PLEKHA6: variants seen among roughly 807,000 people sequenced by gnomAD.
PLEKHA6 encodes the protein pleckstrin homology domain containing A6.
Under a neutral mutation model 116.7 loss-of-function variants are expected in PLEKHA6, and 60 were observed. The observed-to-expected ratio is 0.51, with a 90% CI of 0.42 to 0.64. The LOEUF (loss-of-function observed/expected upper bound fraction) is 0.64. Ranked by LOEUF, PLEKHA6 falls within the 30% of genes least tolerant of loss-of-function variation. The pLI is 0.00. For synonymous variants in PLEKHA6, 489 were observed against 556.1 expected, an observed-to-expected ratio of 0.88 and a Z score of 1.70; for missense variants, 1,338 against 1,422.7, an observed-to-expected ratio of 0.94 and a Z score of 0.96.
chr1:204,253,212 C>T (rs1316822232), intron 9 of PLEKHA6, among the ~76,000 whole-genome samples: 1 of 152,160 alleles, frequency 6.6e-6, no homozygotes, highest in Non-Finnish European at 1.5e-5. Context: ...TGCACCCCTG[C>T]TTGATTCTCC....
chr1:204,332,709 C>G (rs982588531), intron 1 of PLEKHA6, among the ~76,000 whole-genome samples: 2 of 152,148 alleles, frequency 1.3e-5, no homozygotes, highest in Non-Finnish European at 2.9e-5. Flanking sequence ...ACTAAGGAAA[C>G]AGGCCAACAA....
intron 1 of PLEKHA6, chr1:204,282,650 A>G: frequency 1.0e-6 from 1 of 985,270 alleles, no homozygotes; most frequent in Non-Finnish European, 1.2e-6. Flanking sequence ...TCAACACTGA[A>G]GTGTCTTCCA....
At chr1:204,348,478 C>T (rs1229236219) in intron 1 of PLEKHA6, among the ~76,000 whole-genome samples, 2 of 152,160 alleles carry the variant, frequency 1.3e-5, no homozygotes, top group Non-Finnish European at 2.9e-5. Context: ...AGCTAGTGAA[C>T]CCCACACAAA....
chr1:204,251,955 C>G (rs1280074937), intron 9 of PLEKHA6, among the ~76,000 whole-genome samples: 1 of 152,162 alleles, frequency 6.6e-6, no homozygotes, highest in African/African-American at 2.4e-5. Context: ...TCTCACACCA[C>G]TTTTGACAAA....
chr1:204,273,966 C>A (rs1667744767), intron 2 of PLEKHA6, among the ~76,000 whole-genome samples: 2 of 152,166 alleles, frequency 1.3e-5, no homozygotes, highest in Admixed American at 1.3e-4. Flanking sequence ...CAGGGTCTTG[C>A]TGTGTCACCC....
chr1:204,314,475 C>T (rs1298656000), intron 1 of PLEKHA6, among the ~76,000 whole-genome samples: 4 of 152,134 alleles, frequency 2.6e-5, no homozygotes, highest in Non-Finnish European at 5.9e-5. Context: ...AGAGAAGGAT[C>T]CTGGAACGAC....
intron 1 of PLEKHA6, 108 bp from the exon 2 acceptor site, chr1:204,274,917 G>A: frequency 2.0e-6 from 2 of 982,316 alleles, no homozygotes. Context: ...ATCATGTAAG[G>A]AGCTTGTGCC....
intron 6 of PLEKHA6, among the ~76,000 whole-genome samples, chr1:204,263,891 G>A (rs903424410): frequency 1.7e-4 from 26 of 152,092 alleles, no homozygotes; most frequent in Non-Finnish European, 8.8e-5. Flanking sequence ...ACAAGACCCC[G>A]GGAGGCTGGA....
chr1:204,243,675 G>A (rs757310615), intron 15 of PLEKHA6, among the ~76,000 whole-genome samples: 1 of 152,154 alleles, frequency 6.6e-6, no homozygotes, highest in African/African-American at 2.4e-5. Flanking sequence ...ACATCAGGGC[G>A]TTTACAGTCT....
At chr1:204,374,063 C>T in intron 1 of PLEKHA6, among the ~76,000 whole-genome samples, 1 of 152,184 alleles carries the variant, frequency 6.6e-6, no homozygotes, top group East Asian at 1.9e-4. Context: ...CCATCTATCT[C>T]TACCCCACTG....
chr1:204,231,543 C>T (rs1661178272), intron 17 of PLEKHA6, among the ~76,000 whole-genome samples: 1 of 151,188 alleles, frequency 6.6e-6, no homozygotes, highest in Admixed American at 6.6e-5. Flanking sequence ...CAGTTGTTAT[C>T]CTGTATTGTT....
At chr1:204,331,672 C>A (rs750341431) in intron 1 of PLEKHA6, among the ~76,000 whole-genome samples, 5 of 151,630 alleles carry the variant, frequency 3.3e-5, no homozygotes, top group Non-Finnish European at 7.4e-5. Context: ...CTCAAATTTG[C>A]CAAGTAAATA....
chr1:204,228,815 A>T lies in PLEKHA6; in HGVS notation c.2798T>A (p.Leu933Gln). 6.2e-7 allele frequency: 1 copy of T among 1,613,984 alleles called. No individual in the cohort carries two copies. Among genetic ancestry groups the T allele is most frequent in the Non-Finnish European group, 8.5e-7 (1 of 1,179,932 alleles). Reference sequence around the variant, plus strand: ...AGGGCTCAGGGGAGTGTCAGGCTCCAGGTCAATGTACCGTTCAGGGATGAG... The same window carrying T: ...AGGGCTCAGGGGAGTGTCAGGCTCCTGGTCAATGTACCGTTCAGGGATGAG... ...KVLIPERYIDLEPDTPLSPEE... is the reference protein window; with the variant it reads ...KVLIPERYIDQEPDTPLSPEE... The change falls in exon 20 of 23, where the codon CTG (leucine) becomes CAG (glutamine). Residue 933 changes from leucine (L) to glutamine (Q), a missense_variant. Around this residue, in one of 3 missense-constraint regions of PLEKHA6, gnomAD observed 1,136 missense variants for 1,163.6 expected, o/e 0.98. Coordinates refer to ENST00000272203, the MANE Select transcript of PLEKHA6 (RefSeq NM_014935.5). The surrounding 1 kb of genome is among the most constrained non-coding windows in gnomAD (Gnocchi z 4.0).
chr1:204,377,349 C>T (rs1013967521), intron 1 of PLEKHA6, among the ~76,000 whole-genome samples: 52 of 152,212 alleles, frequency 3.4e-4, no homozygotes, highest in African/African-American at 1.3e-3. Flanking sequence ...ACTCCCCTGC[C>T]CTGCCCAGCC....
At chr1:204,328,072 T>G (rs1672310079) in intron 1 of PLEKHA6, among the ~76,000 whole-genome samples, 1 of 150,104 alleles carries the variant, frequency 6.7e-6, no homozygotes, top group Non-Finnish European at 1.5e-5. Flanking sequence ...ATTTATTTAT[T>G]TATTTATTTA....
chr1:204,230,383 C>A, intron 18 of PLEKHA6, 30 bp downstream of exon 18: 2 of 1,527,320 alleles, frequency 1.3e-6, no homozygotes, highest in Non-Finnish European at 1.8e-6. Context: ...ATGCCAGGCT[C>A]ACGCCTGTGG....
At chr1:204,307,225 T>G (rs937910187) in intron 1 of PLEKHA6, 5 of 152,224 alleles carry the variant, frequency 3.3e-5, no homozygotes, top group Non-Finnish European at 7.3e-5. Context: ...TGCCTTACTG[T>G]GAAATACTGC....
In PLEKHA6 at chr1:204,347,872, C is replaced by T. The variant is rs183412946; in HGVS notation, c.-95+11822G>A. Reference sequence around the variant, plus strand: ...ATTAGGGGTTCCTATAAGAAAGATACTCATCCAATTTCACAGTGTAAATCA... The same window carrying T: ...ATTAGGGGTTCCTATAAGAAAGATATTCATCCAATTTCACAGTGTAAATCA... On this transcript the variant is annotated intron_variant, in intron 1 of 22. Transcript: ENST00000272203. Among the ~76,000 whole-genome samples the T allele has an allele frequency of 2.0e-5, 3 of 152,164 alleles. No individual in the cohort carries two copies. The East Asian group carries it at 5.8e-4, about 29-fold the overall frequency.
intron 10 of PLEKHA6, among the ~76,000 whole-genome samples, chr1:204,249,847 G>T (rs1664296744): frequency 6.6e-6 from 1 of 152,256 alleles, no homozygotes. Context: ...GACAGGTGAG[G>T]CCAGAAAGAG....
Sources: gnomAD v4.1 joint callset for allele counts (sites outside exome capture counted in the v4.1 genomes callset) on GRCh38, gnomAD v4.1.1 for gene constraint, gnomAD v4.1.1 regional missense constraint, Gnocchi (gnomAD v3.1) non-coding constraint, MANE v1.5 for transcripts, NCBI Gene and HGNC (gene_info 2026-07-23, HGNC 2026-07-21) for gene names.